The following MID1 variants were observed in gnomAD, a reference collection of about 807,000 sequenced individuals.
MID1 encodes the protein midline 1.
A neutral mutation model predicts 40.4 loss-of-function variants in MID1; 7 were observed. The observed-to-expected ratio is 0.17, with a 90% CI of 0.10 to 0.33. MID1 has a LOEUF of 0.33. MID1 is among the 10% of genes least tolerant of loss of function. The pLI, the probability that MID1 is intolerant of heterozygous loss-of-function variation, is 1.00. For synonymous variants in MID1, 229 were observed against 221.2 expected (o/e 1.04, Z -0.31); for missense variants, 367 against 558.5 (o/e 0.66, Z 3.46).
At chrX:10,589,713 G>A (rs1236408273) in intron 1 of MID1, 2 of 110,388 alleles carry the variant, frequency 1.8e-5, no homozygotes, top group Admixed American at 1.9e-4. Context: ...ATGCCTACCC[G>A]GGAGCGCTCT....
Position 10,602,143 on chromosome X carries a change from C to T in MID1, c.-57+18147G>A, listed in dbSNP as rs193240082. On this transcript the variant is annotated intron_variant, in intron 1 of 9. Coordinates refer to ENST00000317552, the MANE Select transcript of MID1 (RefSeq NM_000381.4). Reference sequence around the variant, plus strand: ...CGATCTCCTAACCTCGTGATCCACCCGCCTCAGCCTCCCAAAGTGCGGAAT... The same window carrying T: ...CGATCTCCTAACCTCGTGATCCACCTGCCTCAGCCTCCCAAAGTGCGGAAT... Among the ~76,000 whole-genome samples, 284 of 108,155 alleles carry T rather than the reference C, an allele frequency of 2.6e-3. 1 individual carries two copies. The highest frequency in any genetic ancestry group is 3.9e-3 in the Non-Finnish European group (205 of 52,361). 93.9% of individuals were successfully genotyped at this position (108,155 alleles called of 115,157 possible).
intron 2 of MID1, among the ~76,000 whole-genome samples, chrX:10,534,124 G>A (rs1208570519): frequency 2.7e-5 from 3 of 110,517 alleles, no homozygotes; most frequent in Non-Finnish European, 5.7e-5. Context: ...CATGTTGTCT[G>A]TATAGGCCCC....
intron 1 of MID1, among the ~76,000 whole-genome samples, chrX:10,570,686 C>T (rs758340553): frequency 1.2e-4 from 14 of 112,637 alleles, no homozygotes; most frequent in Non-Finnish European, 2.2e-4. Flanking sequence ...AAATAGTAGA[C>T]ATTTTTGGCT....
chrX:10,629,054 C>A (rs1420406356), intron 1 of MID1, among the ~76,000 whole-genome samples: 1 of 111,691 alleles, frequency 9.0e-6, no homozygotes, highest in Non-Finnish European at 1.9e-5. Flanking sequence ...CCTTCACCTC[C>A]TGTGCCTCAA....
intron 2 of MID1, among the ~76,000 whole-genome samples, chrX:10,565,012 A>C (rs1934474732): frequency 9.0e-6 from 1 of 110,790 alleles, no homozygotes. Context: ...TAAAAAAAAA[A>C]AAAAAAAAAA....
At chrX:10,529,250 C>T (rs747852133) in intron 2 of MID1, among the ~76,000 whole-genome samples, 3 of 112,299 alleles carry the variant, frequency 2.7e-5, no homozygotes, top group African/African-American at 9.7e-5. Flanking sequence ...TAAACCACCA[C>T]CAAATTAAAA....
chrX:10,506,180 G>T (rs967286423), intron 3 of MID1: 25 of 929,641 alleles, frequency 2.7e-5, no homozygotes, highest in Non-Finnish European at 3.3e-5. Flanking sequence ...TCACATGTAC[G>T]TTTATTCAAA....
At chrX:10,641,085 C>T (rs1437056071) in intron 1 of MID1, among the ~76,000 whole-genome samples, 2 of 110,984 alleles carry the variant, frequency 1.8e-5, no homozygotes, top group African/African-American at 6.5e-5. Context: ...ATTGACACCC[C>T]AACATCACAA....
At chrX:10,490,566 A>C (rs759899302) in intron 4 of MID1, among the ~76,000 whole-genome samples, 13 of 111,998 alleles carry the variant, frequency 1.2e-4, no homozygotes, top group African/African-American at 3.9e-4. Flanking sequence ...GGCTATTTTG[A>C]TGTGTTTAAT....
chrX:10,776,026 C>T (rs1015954635), intron 1 of MID1, among the ~76,000 whole-genome samples: 1 of 111,380 alleles, frequency 9.0e-6, no homozygotes, highest in African/African-American at 3.3e-5. Context: ...TTAAGGCTTG[C>T]CCTCTATTCC....
chrX:10,520,969 C>T (rs1223817205), intron 3 of MID1, among the ~76,000 whole-genome samples: 2 of 110,832 alleles, frequency 1.8e-5, no homozygotes, highest in East Asian at 2.8e-4. Context: ...AATTGGTTCA[C>T]GGGTGCTGCA....
chrX:10,520,652 A>G (rs1328529196), intron 3 of MID1, among the ~76,000 whole-genome samples: 1 of 112,029 alleles, frequency 8.9e-6, no homozygotes, highest in Non-Finnish European at 1.9e-5. Flanking sequence ...CCAACTTTAG[A>G]TATTTTAGGG....
At chrX:10,544,947 T>C (rs1370384859) in intron 2 of MID1, among the ~76,000 whole-genome samples, 3 of 112,074 alleles carry the variant, frequency 2.7e-5, no homozygotes, top group Non-Finnish European at 5.6e-5. Context: ...GTTTTTTGTT[T>C]GTTTGTTTGT....
chrX:10,695,737 A>T (rs2043159174), intron 1 of MID1, among the ~76,000 whole-genome samples: 1 of 112,094 alleles, frequency 8.9e-6, no homozygotes, highest in African/African-American at 3.2e-5. Flanking sequence ...AGGCAATTAC[A>T]GAGTTGGAGG....
intron 1 of MID1, among the ~76,000 whole-genome samples, chrX:10,785,304 A>G (rs1397340004): frequency 9.0e-6 from 1 of 110,501 alleles, no homozygotes; most frequent in East Asian, 2.8e-4. Flanking sequence ...CCACTGCTCA[A>G]TGAAATAAAA....
chrX:10,542,302 C>T (rs1933502101), intron 2 of MID1, among the ~76,000 whole-genome samples: 1 of 111,420 alleles, frequency 9.0e-6, no homozygotes, highest in East Asian at 2.8e-4. Flanking sequence ...ATAAAAGAAA[C>T]ATTTGCTCAT....
chrX:10,581,340 G>A (rs1288408452), intron 1 of MID1, among the ~76,000 whole-genome samples: 1 of 112,262 alleles, frequency 8.9e-6, no homozygotes, highest in Non-Finnish European at 1.9e-5. Flanking sequence ...TTCAAATCCT[G>A]GCTCTGCCAT....
rs1933336026 is a variant in MID1, at chrX:10,538,257, G to C, written c.661-15070C>G. ...CAAAGTGCTAGGATTACAGGCATGA[G>C]CCACCATGCCCGGCCTCGATCTTTA... On this transcript the variant is annotated intron_variant, in intron 2 of 9. Coordinates refer to ENST00000317552, the MANE Select transcript of MID1 (RefSeq NM_000381.4). Among the ~76,000 whole-genome samples the C allele has an allele frequency of 4.5e-5, 5 of 111,771 alleles. No homozygotes were observed. The South Asian group carries it at 1.9e-3, about 42-fold the overall frequency.
At chrX:10,673,635 G>A (rs1272414431) in intron 1 of MID1, among the ~76,000 whole-genome samples, 1 of 111,234 alleles carries the variant, frequency 9.0e-6, no homozygotes, top group African/African-American at 3.3e-5. Context: ...AAGCATTAAG[G>A]TAAGCTATAG....
Sources: gnomAD v4.1 joint callset for allele counts (sites outside exome capture counted in the v4.1 genomes callset) on GRCh38, gnomAD v4.1.1 for gene constraint, MANE v1.5 for transcripts, NCBI Gene and HGNC (gene_info 2026-07-23, HGNC 2026-07-21) for gene names.